The following QSOX2 variants were observed in gnomAD, a reference collection of about 807,000 sequenced individuals.
QSOX2 encodes quiescin sulfhydryl oxidase 2.
In QSOX2, 46 loss-of-function variants were observed where a neutral mutation model predicts 61.7. The observed-to-expected ratio is 0.75, with a 90% CI of 0.59 to 0.95. The LOEUF (loss-of-function observed/expected upper bound fraction) is 0.95, where lower values mean the gene tolerates loss of function less well. Among genes scored for constraint, QSOX2 ranks in the 40% least tolerant of loss-of-function variants. The probability of loss-of-function intolerance (pLI) is 0.00; values close to 1 mark genes in which losing one functional copy is unlikely to be tolerated. For missense variants in QSOX2, 879 were observed against 918.9 expected, an observed-to-expected ratio of 0.96 and a Z score of 0.56; for synonymous variants, 383 against 388.4, an observed-to-expected ratio of 0.99 and a Z score of 0.16.
In QSOX2 at chr9:136,221,722, G is replaced by A. The variant is rs1220293458; in HGVS notation, c.821+74C>T. The A allele has an allele frequency of 3.4e-6, 5 of 1,465,288 alleles. No individual in the cohort carries two copies. Among genetic ancestry groups the A allele is most frequent in the Admixed American group, 2.2e-5 (1 of 44,682 alleles). The allele number at this position is 1,465,288 out of a possible 1,614,324, so 90.8% of individuals were successfully genotyped here. On this transcript the variant is annotated intron_variant, in intron 6 of 11. Coordinates refer to ENST00000358701, the MANE Select transcript of QSOX2 (RefSeq NM_181701.4). This position sits in a 1 kb window ranked among gnomAD's most constrained non-coding sequence, Gnocchi z 4.5. ...GCTCCCCCGATCTCACACCAGACTT[G>A]CACTGTCTACTCGGAGCCTCTGTCC...
At chr9:136,231,808 T>A (rs1346381983) in intron 1 of QSOX2, among the ~76,000 whole-genome samples, 8 of 152,188 alleles carry the variant, frequency 5.3e-5, no homozygotes, top group Admixed American at 5.2e-4. Flanking sequence ...ACTTGGCAGA[T>A]GAGGACACCG....
At chr9:136,240,059 T>C (rs933210955) in intron 1 of QSOX2, among the ~76,000 whole-genome samples, 11 of 152,102 alleles carry the variant, frequency 7.2e-5, no homozygotes, top group African/African-American at 2.2e-4. Context: ...CCTGCTTTCA[T>C]TGGGCCTCTG....
At chr9:136,226,671 C>G in intron 2 of QSOX2, 103 bp downstream of exon 2, 1 of 927,750 alleles carries the variant, frequency 1.1e-6, no homozygotes, top group Non-Finnish European at 1.8e-6. Context: ...AACACAGGCA[C>G]TATGATGTGG....
At chr9:136,240,532 C>T (rs1564298923) in intron 1 of QSOX2, among the ~76,000 whole-genome samples, 1 of 152,200 alleles carries the variant, frequency 6.6e-6, no homozygotes, top group Non-Finnish European at 1.5e-5. Context: ...CTCCGCATAC[C>T]AGTCCCTGGA....
intron 1 of QSOX2, among the ~76,000 whole-genome samples, chr9:136,231,884 A>G (rs952493698): frequency 4.2e-5 from 3 of 71,146 alleles, no homozygotes; most frequent in African/African-American, 5.5e-5. Context: ...CGCCCCCTCC[A>G]CCCCCTCCAC....
At position 136,222,361 on chromosome 9, in the gene QSOX2, C is replaced by A. The variant is rs1316927005; in HGVS notation, c.676-420G>T. ...TCGTGCTGCCGCTCCTCCCCAGCCA[C>A]CCTGCTCCTGTCTGGTTCTGCTCAG... On this transcript the variant is annotated intron_variant, in intron 5 of 11. Coordinates refer to ENST00000358701, the MANE Select transcript of QSOX2 (RefSeq NM_181701.4). This position sits in a 1 kb window ranked among gnomAD's most constrained non-coding sequence, Gnocchi z 6.9. Among the ~76,000 whole-genome samples, 1 of 152,302 alleles carries A rather than the reference C, an allele frequency of 6.6e-6. No homozygotes were observed. The highest frequency in any genetic ancestry group is 1.5e-5 in the Non-Finnish European group (1 of 68,030).
intron 9 of QSOX2, among the ~76,000 whole-genome samples, chr9:136,215,864 G>C (rs887120619): frequency 3.3e-5 from 5 of 152,232 alleles, no homozygotes; most frequent in Non-Finnish European, 7.3e-5. Context: ...GTGCTCTCGA[G>C]GGAGATGTCA....
At position 136,221,903 on chromosome 9, in the gene QSOX2, C is replaced by T. The variant is rs766147990; in HGVS notation, c.714G>A (p.Val238=). 1 of 1,610,702 alleles carries T rather than the reference C, an allele frequency of 6.2e-7. No individual in the cohort carries two copies. Among genetic ancestry groups the T allele is most frequent in the East Asian group, 2.2e-5 (1 of 44,740 alleles). The change falls in exon 6 of 12, where the codon GTG becomes GTA. Residue 238 remains valine (V), a synonymous_variant. Coordinates refer to ENST00000358701, the MANE Select transcript of QSOX2 (RefSeq NM_181701.4). The surrounding 1 kb of genome is among the most constrained non-coding windows in gnomAD (Gnocchi z 4.5). ...CTTTGTCCCCGTCCAGTGCTCGGGT[C>T]ACCACGATGCTTTCATACGGGATCA... The part of the protein sequence containing the change: ...LDLIPYESIV[V]TRALDGDKAF...
At position 136,245,385 on chromosome 9, in the gene QSOX2, C is replaced by G. The variant is rs1830463629; in HGVS notation, c.328+91G>C. On this transcript the variant is annotated intron_variant, in intron 1 of 11. Coordinates refer to ENST00000358701, the MANE Select transcript of QSOX2 (RefSeq NM_181701.4). ...AAGGAAAGAAATACGGGGGAGGGGC[C>G]CCGGGACCCGCCTTCTGGGGCGGTC... The G allele has an allele frequency of 1.6e-5, 18 of 1,124,466 alleles. No individual in the cohort carries two copies. The Admixed American group carries it at 1.8e-4, about 11-fold the overall frequency. 69.7% of individuals were successfully genotyped at this position (1,124,466 alleles called of 1,614,324 possible).
Position 136,223,993 on chromosome 9 carries a change from A to G in QSOX2, c.584+14T>C. 2 of 1,609,736 alleles carry G rather than the reference A, an allele frequency of 1.2e-6. No homozygotes were observed. The highest frequency in any genetic ancestry group is 2.2e-5 in the East Asian group (1 of 44,866). On this transcript the variant is annotated intron_variant, in intron 4 of 11. Coordinates refer to ENST00000358701, the MANE Select transcript of QSOX2 (RefSeq NM_181701.4). This position sits in a 1 kb window ranked among gnomAD's most constrained non-coding sequence, Gnocchi z 4.4. ...CACGAGTCTAACGGCCGCCTTCTTC[A>G]TGGAGCTACTCACTGAATGGGGTCT...
At chr9:136,233,158 C>T (rs1038887696) in intron 1 of QSOX2, among the ~76,000 whole-genome samples, 5 of 152,126 alleles carry the variant, frequency 3.3e-5, no homozygotes, top group Admixed American at 2.6e-4. Context: ...AAGCCGCTAA[C>T]CCTGAGCCTC....
Position 136,211,334 on chromosome 9 carries a change from C to A in QSOX2, c.1479G>T (p.Ser493=). Reference sequence around the variant, plus strand: ...GGATGGCTTGGTCTGGGGTTTTCACCGAGTCCATGGATTCTTTAGCCATTT... The same window carrying A: ...GGATGGCTTGGTCTGGGGTTTTCACAGAGTCCATGGATTCTTTAGCCATTT... ...FEEMAKESMD[S]VKTPDQAILW... The change falls in exon 11 of 12, where the codon TCG becomes TCT. Residue 493 remains serine, a synonymous_variant. Coordinates refer to ENST00000358701, the MANE Select transcript of QSOX2 (RefSeq NM_181701.4). 1 of 1,614,212 alleles carries A rather than the reference C, an allele frequency of 6.2e-7. No individual in the cohort carries two copies.
chr9:136,234,738 C>CTGG lies in QSOX2; in HGVS notation c.329-7867_329-7865dup, dbSNP rs143296735. On this transcript the variant is annotated intron_variant, in intron 1 of 11. Transcript: ENST00000358701. ...GGCCATCCCCGGCTTGGGAGCAAGG[C>CTGG]TGGTCTCCACAAGGCCCCCCAGCTC... Among the ~76,000 whole-genome samples the CTGG allele has an allele frequency of 4.2e-3, 570 of 137,308 alleles. 8 individuals are homozygous for CTGG. The highest frequency in any genetic ancestry group is 0.031 in the East Asian group (127 of 4,102). 90.1% of individuals were successfully genotyped at this position (137,308 alleles called of 152,430 possible). A position where few individuals can be genotyped will look rare whatever the true frequency, so the allele number is the denominator to read the frequency against.
chr9:136,241,236 C>G (rs1830431168), intron 1 of QSOX2, among the ~76,000 whole-genome samples: 1 of 152,318 alleles, frequency 6.6e-6, no homozygotes, highest in African/African-American at 2.4e-5. Context: ...CTCCACTGCC[C>G]AACTCTTCCT....
At chr9:136,230,251 C>T (rs756662822) in intron 1 of QSOX2, among the ~76,000 whole-genome samples, 44 of 152,198 alleles carry the variant, frequency 2.9e-4, no homozygotes, top group Admixed American at 6.5e-4. Context: ...TGCACTCCAG[C>T]CTGGCGCCAG....
In QSOX2 at chr9:136,221,953, G is replaced by A; in HGVS notation, c.676-12C>T. ...AGGTCTAAGATCACCTGGGGGATGA[G>A]AACACAATGACACTTCCACAGGGGC... On this transcript the variant is annotated splice_polypyrimidine_tract_variant and intron_variant, in intron 5 of 11. Coordinates refer to ENST00000358701, the MANE Select transcript of QSOX2 (RefSeq NM_181701.4). The surrounding 1 kb of genome is among the most constrained non-coding windows in gnomAD (Gnocchi z 4.5). 1 of 1,573,336 alleles carries A rather than the reference G, an allele frequency of 6.4e-7. No homozygotes were observed. The highest frequency in any genetic ancestry group is 8.6e-7 in the Non-Finnish European group (1 of 1,157,486).
chr9:136,230,204 GGGA>G (rs1213894194), intron 1 of QSOX2, among the ~76,000 whole-genome samples: 4 of 152,224 alleles, frequency 2.6e-5, no homozygotes, highest in African/African-American at 4.8e-5. Flanking sequence ...GCATGAACCC[GGGA>G]GGAGGAGGCT....
chr9:136,226,743 T>A (rs769340867), intron 2 of QSOX2, 31 bp downstream of exon 2: 1 of 1,571,802 alleles, frequency 6.4e-7, no homozygotes, highest in East Asian at 2.2e-5. Flanking sequence ...GAAGGTGAAT[T>A]TCAACGGACA....
chr9:136,224,755 A>C, intron 3 of QSOX2, 106 bp downstream of exon 3: 1 of 591,638 alleles, frequency 1.7e-6, no homozygotes. Context: ...AGCAGAGGGA[A>C]AGGTGCTGAC....
Sources: gnomAD v4.1 joint callset for allele counts (sites outside exome capture counted in the v4.1 genomes callset) on GRCh38, gnomAD v4.1.1 for gene constraint, Gnocchi (gnomAD v3.1) non-coding constraint, MANE v1.5 for transcripts, NCBI Gene and HGNC (gene_info 2026-07-23, HGNC 2026-07-21) for gene names.